ANXA8: variants seen among roughly 807,000 people sequenced by gnomAD.
The protein encoded by ANXA8 is VAC-beta.
In ANXA8, 9 loss-of-function variants were observed where a neutral mutation model predicts 26.8. That is an observed-to-expected ratio of 0.34 (90% CI 0.20 to 0.59). ANXA8 has a LOEUF of 0.59. Ranked by LOEUF, ANXA8 falls within the 20% of genes least tolerant of loss-of-function variation. ANXA8 has a pLI of 0.84. For synonymous variants in ANXA8, 39 were observed against 94.8 expected (o/e 0.41, Z 3.42); for missense variants, 83 against 238.5 (o/e 0.35, Z 4.29).
the ANXA8 span, among the ~76,000 whole-genome samples, chr10:47,984,912 T>A: frequency 8.6e-6 from 1 of 115,996 alleles, no homozygotes. Context: ...ACCTAGGAGT[T>A]GAGGATGAGT....
the ANXA8 span, among the ~76,000 whole-genome samples, chr10:47,689,168 C>T: frequency 1.3e-5 from 2 of 150,296 alleles, no homozygotes; most frequent in Non-Finnish European, 3.0e-5. Context: ...GTGTGCTTAG[C>T]TTTATTTCCC....
the ANXA8 span, among the ~76,000 whole-genome samples, chr10:47,607,648 AAAT>A: frequency 5.4e-5 from 6 of 110,148 alleles, no homozygotes; most frequent in South Asian, 3.0e-4. Flanking sequence ...ACCATTATTA[AAAT>A]AATAATAATT....
the ANXA8 span, among the ~76,000 whole-genome samples, chr10:47,630,077 TTGTGTCCTAAACTGAAAAG>T: frequency 0.23 from 15,733 of 68,070 alleles, 2 homozygotes; most frequent in South Asian, 0.3. Context: ...TTCAGAGCGC[TTGTGTCCTAAACTGAAAAG>T]TGTGTTTTAA....
the ANXA8 span, among the ~76,000 whole-genome samples, chr10:47,686,296 G>T: frequency 4.8e-5 from 7 of 145,974 alleles, no homozygotes; most frequent in African/African-American, 1.8e-4. Context: ...TCAGCTCACT[G>T]CAACTTCTGC....
At chr10:47,974,732 A>C in the ANXA8 span, among the ~76,000 whole-genome samples, 3 of 147,890 alleles carry the variant, frequency 2.0e-5, no homozygotes, top group African/African-American at 4.9e-5. Context: ...ATTAGTTTCT[A>C]TTTTTATCGC....
At chr10:47,625,901 C>T in the ANXA8 span, among the ~76,000 whole-genome samples, 11 of 150,698 alleles carry the variant, frequency 7.3e-5, no homozygotes, top group African/African-American at 1.7e-4. Context: ...CTTCTGATGA[C>T]TACCAATTAA....
chr10:47,745,953 T>C, the ANXA8 span, among the ~76,000 whole-genome samples: 2 of 150,014 alleles, frequency 1.3e-5, no homozygotes, highest in Non-Finnish European at 3.0e-5. Context: ...TGCCTTTTTA[T>C]GCTTCTGCCT....
the ANXA8 span, among the ~76,000 whole-genome samples, chr10:47,623,290 C>T: frequency 3.4e-3 from 375 of 110,484 alleles, 66 homozygotes; most frequent in Non-Finnish European, 4.7e-3. Context: ...TATGAGCTTG[C>T]TACTGTACAC....
chr10:47,749,283 C>T, the ANXA8 span, among the ~76,000 whole-genome samples: 2 of 136,134 alleles, frequency 1.5e-5, no homozygotes, highest in African/African-American at 5.4e-5. Flanking sequence ...AATTTGCTGC[C>T]AGCAGATGTG....
the ANXA8 span, among the ~76,000 whole-genome samples, chr10:47,667,118 A>T: frequency 6.6e-6 from 1 of 152,028 alleles, no homozygotes; most frequent in East Asian, 1.9e-4. Flanking sequence ...CCCAGCAATC[A>T]TCCTTGGAAT....
the ANXA8 span, among the ~76,000 whole-genome samples, chr10:47,686,225 C>T: frequency 1.4e-3 from 175 of 122,930 alleles, 2 homozygotes; most frequent in African/African-American, 5.0e-3. Context: ...GCTCCTATCA[C>T]TTTTTTTTTT....
chr10:47,777,416 G>A, the ANXA8 span, among the ~76,000 whole-genome samples: 3 of 152,228 alleles, frequency 2.0e-5, no homozygotes, highest in East Asian at 5.8e-4. Flanking sequence ...GCCTCCCGAA[G>A]TGCTGGGTTT....
At chr10:47,591,611 T>C in the ANXA8 span, among the ~76,000 whole-genome samples, 36 of 144,370 alleles carry the variant, frequency 2.5e-4, no homozygotes, top group Admixed American at 2.1e-3. Context: ...GCCCGGCTAA[T>C]TTTTTGTATT....
chr10:47,744,097 A>G, the ANXA8 span, among the ~76,000 whole-genome samples: 7 of 148,350 alleles, frequency 4.7e-5, no homozygotes, highest in Admixed American at 1.3e-4. Context: ...GAAGGCAGCA[A>G]TGGAATGAAA....
chr10:47,943,189 G>C, the ANXA8 span, among the ~76,000 whole-genome samples: 1 of 142,688 alleles, frequency 7.0e-6, no homozygotes, highest in Non-Finnish European at 1.5e-5. Flanking sequence ...CCGAGAGAAA[G>C]ACCTGAGGCT....
the ANXA8 span, chr10:47,726,754 A>G: frequency 1.2e-6 from 1 of 846,980 alleles, no homozygotes; most frequent in Non-Finnish European, 2.0e-6. Context: ...CATAAAAACC[A>G]AGTGCTTTTT....
the ANXA8 span, among the ~76,000 whole-genome samples, chr10:47,940,307 C>G: frequency 5.5e-5 from 8 of 144,502 alleles, no homozygotes; most frequent in Non-Finnish European, 1.0e-4. Flanking sequence ...CCTGAGAGGA[C>G]AGTAAATTGG....
At chr10:47,720,552 G>GT in the ANXA8 span, among the ~76,000 whole-genome samples, 2 of 145,466 alleles carry the variant, frequency 1.4e-5, no homozygotes, top group African/African-American at 5.1e-5. Flanking sequence ...AAAACACATT[G>GT]TTTTTTGAAT....
the ANXA8 span, among the ~76,000 whole-genome samples, chr10:47,686,366 G>A: frequency 1.7e-4 from 25 of 151,230 alleles, no homozygotes; most frequent in South Asian, 4.0e-3. Flanking sequence ...TTACAGGTGC[G>A]TGCCACCATA....
Sources: gnomAD v4.1 joint callset for allele counts (sites outside exome capture counted in the v4.1 genomes callset) on GRCh38, gnomAD v4.1.1 for gene constraint, MANE v1.5 for transcripts, NCBI Gene and HGNC (gene_info 2026-07-23, HGNC 2026-07-21) for gene names.